Variants in ZDHHC20 observed in about 807,000 individuals in gnomAD.
ZDHHC20 encodes the protein palmitoyltransferase ZDHHC20.
A neutral mutation model predicts 57.8 loss-of-function variants in ZDHHC20; 43 were observed. The ratio of observed to expected loss-of-function variants is 0.74; its 90% CI spans 0.58 to 0.96. ZDHHC20 has a LOEUF of 0.96. ZDHHC20 is among the 40% of genes least tolerant of loss of function. The pLI is 0.00. For synonymous variants in ZDHHC20, 157 were observed against 153.0 expected, an observed-to-expected ratio of 1.03 and a Z score of -0.19; for missense variants, 391 against 441.1, an observed-to-expected ratio of 0.89 and a Z score of 1.02.
intron 1 of ZDHHC20, among the ~76,000 whole-genome samples, chr13:21,436,844 C>A (rs1407206684): frequency 1.3e-5 from 2 of 152,178 alleles, no homozygotes; most frequent in Non-Finnish European, 2.9e-5. Flanking sequence ...AAACGCTAGG[C>A]CTCTTGGGCC....
In ZDHHC20 at chr13:21,448,396, G is replaced by A. The variant is rs1416842139; in HGVS notation, c.118+10658C>T. Among the ~76,000 whole-genome samples the A allele has an allele frequency of 6.8e-4, 67 of 97,970 alleles. 3 individuals are homozygous for A. In the East Asian group the frequency reaches 0.019, roughly 28 times the overall value. 64.3% of individuals were successfully genotyped at this position (97,970 alleles called of 152,430 possible). A position where few individuals can be genotyped will look rare whatever the true frequency, so the allele number is the denominator to read the frequency against. Reference sequence around the variant, plus strand: ...GGGTCAGCCCCCCGCCCGGCCAGCCGCCCCGTCCGGGAGGGAGGTGGGGGG... The same window carrying A: ...GGGTCAGCCCCCCGCCCGGCCAGCCACCCCGTCCGGGAGGGAGGTGGGGGG... On this transcript the variant is annotated intron_variant, in intron 1 of 12. Coordinates refer to ENST00000400590, the MANE Select transcript of ZDHHC20 (RefSeq NM_001330059.2).
chr13:21,432,447 A>G (rs1882076100), intron 1 of ZDHHC20, among the ~76,000 whole-genome samples: 1 of 151,786 alleles, frequency 6.6e-6, no homozygotes. Flanking sequence ...CTCCTGCCTC[A>G]GCCTCCTGAG....
rs1871563497 is a variant in ZDHHC20, at chr13:21,373,707, T to C, written c.*2989A>G. On this transcript the variant is annotated 3_prime_UTR_variant, in exon 13 of 13. Coordinates refer to ENST00000400590, the MANE Select transcript of ZDHHC20 (RefSeq NM_001330059.2). ...CACAAAGTGTTTGAAGGACCAAAGA[T>C]AGTACTTCTAAAATTTGACAGGGCT... 6.6e-6 allele frequency: 1 copy of C among 152,346 alleles called. No individual in the cohort carries two copies. Among genetic ancestry groups the C allele is most frequent in the African/African-American group, 2.4e-5 (1 of 41,588 alleles). 9.4% of individuals were successfully genotyped at this position (152,346 alleles called of 1,614,324 possible). A position where few individuals can be genotyped will look rare whatever the true frequency, so the allele number is the denominator to read the frequency against.
intron 4 of ZDHHC20, among the ~76,000 whole-genome samples, chr13:21,404,497 C>T (rs1446630007): frequency 6.6e-6 from 1 of 152,074 alleles, no homozygotes; most frequent in African/African-American, 2.4e-5. Flanking sequence ...ACCTGTAATC[C>T]CAGCACTCTG....
intron 3 of ZDHHC20, among the ~76,000 whole-genome samples, chr13:21,416,110 C>T (rs925473919): frequency 6.7e-6 from 1 of 148,216 alleles, no homozygotes; most frequent in African/African-American, 2.5e-5. Flanking sequence ...GAGGCTGAGG[C>T]AGGAGAATTG....
chr13:21,404,551 G>C (rs1566081997), intron 4 of ZDHHC20, among the ~76,000 whole-genome samples: 1 of 152,098 alleles, frequency 6.6e-6, no homozygotes, highest in Non-Finnish European at 1.5e-5. Context: ...AGGAGATTAA[G>C]ACCATCCTGG....
chr13:21,452,248 C>T (rs1191001667), intron 1 of ZDHHC20, among the ~76,000 whole-genome samples: 1 of 151,474 alleles, frequency 6.6e-6, no homozygotes, highest in Non-Finnish European at 1.5e-5. Flanking sequence ...TAATGTGCGA[C>T]AGAAATTTTC....
At chr13:21,376,783 A>T in intron 12 of ZDHHC20, 128 bp from the exon 13 acceptor site, 2 of 506,958 alleles carry the variant, frequency 3.9e-6, no homozygotes, top group Non-Finnish European at 6.8e-6. Context: ...ATTCCTTAAC[A>T]CTACTAATAT....
At chr13:21,398,727 G>C (rs1324144423) in intron 7 of ZDHHC20, among the ~76,000 whole-genome samples, 1 of 152,170 alleles carries the variant, frequency 6.6e-6, no homozygotes, top group Non-Finnish European at 1.5e-5. Flanking sequence ...GATAAACATA[G>C]AAAGAACAGT....
At chr13:21,450,431 T>C (rs1884333440) in intron 1 of ZDHHC20, among the ~76,000 whole-genome samples, 1 of 152,166 alleles carries the variant, frequency 6.6e-6, no homozygotes, top group Admixed American at 6.5e-5. Context: ...AAGGTTGAGT[T>C]TATGTGGGGA....
At chr13:21,415,235 C>T (rs1234900334) in intron 3 of ZDHHC20, among the ~76,000 whole-genome samples, 5 of 152,144 alleles carry the variant, frequency 3.3e-5, no homozygotes, top group Non-Finnish European at 5.9e-5. Flanking sequence ...CTGGCAGAGC[C>T]AACAGTAAAA....
chr13:21,451,757 A>C (rs1313514759), intron 1 of ZDHHC20, among the ~76,000 whole-genome samples: 2 of 152,144 alleles, frequency 1.3e-5, no homozygotes, highest in Non-Finnish European at 2.9e-5. Context: ...TGGGAGGCTG[A>C]GGCAGGTGGA....
At chr13:21,415,826 G>T (rs1879885141) in intron 3 of ZDHHC20, among the ~76,000 whole-genome samples, 3 of 151,942 alleles carry the variant, frequency 2.0e-5, no homozygotes, top group Admixed American at 2.0e-4. Context: ...GATTTCCCTG[G>T]GCTATCCTAT....
chr13:21,380,847 T>G (rs1429070396), intron 11 of ZDHHC20, among the ~76,000 whole-genome samples: 1 of 151,640 alleles, frequency 6.6e-6, no homozygotes, highest in Non-Finnish European at 1.5e-5. Context: ...AAAAGAACTT[T>G]CCATATCTCA....
chr13:21,407,730 T>C (rs181120286), intron 4 of ZDHHC20, among the ~76,000 whole-genome samples: 76 of 152,376 alleles, frequency 5.0e-4, no homozygotes, highest in Non-Finnish European at 3.2e-4. Context: ...TAGATTTTCT[T>C]CTAGGGTTTT....
chr13:21,423,695 AATAT>A (rs1469054128), intron 2 of ZDHHC20, among the ~76,000 whole-genome samples: 1 of 150,432 alleles, frequency 6.6e-6, no homozygotes, highest in Non-Finnish European at 1.5e-5. Context: ...AAAAAGAAAA[AATAT>A]ATATATTATA....
chr13:21,457,299 A>C (rs1410206211), intron 1 of ZDHHC20, among the ~76,000 whole-genome samples: 1 of 152,194 alleles, frequency 6.6e-6, no homozygotes, highest in Non-Finnish European at 1.5e-5. Context: ...CAAAACCACT[A>C]CGGGAATTAA....
chr13:21,416,734 G>T (rs185614116), intron 3 of ZDHHC20, among the ~76,000 whole-genome samples: 1 of 152,236 alleles, frequency 6.6e-6, no homozygotes, highest in African/African-American at 2.4e-5. Context: ...AGACAGAGAA[G>T]AAAAGAAAAT....
intron 1 of ZDHHC20, among the ~76,000 whole-genome samples, chr13:21,435,279 GCT>G (rs921247373): frequency 2.6e-5 from 4 of 151,992 alleles, no homozygotes; most frequent in African/African-American, 9.7e-5. Flanking sequence ...GATGTTAGAG[GCT>G]TTCCTCATTG....
Sources: gnomAD v4.1 joint callset for allele counts (sites outside exome capture counted in the v4.1 genomes callset) on GRCh38, gnomAD v4.1.1 for gene constraint, MANE v1.5 for transcripts, NCBI Gene and HGNC (gene_info 2026-07-23, HGNC 2026-07-21) for gene names.